The following CATSPER1 variants were observed in gnomAD, a reference collection of about 807,000 sequenced individuals.
CATSPER1 encodes cation channel sperm-associated protein 1.
A neutral mutation model predicts 72.7 loss-of-function variants in CATSPER1; 57 were observed. That is an observed-to-expected ratio of 0.78 (90% confidence interval 0.63 to 0.98). CATSPER1 has a LOEUF of 0.98. Among genes scored for constraint, CATSPER1 ranks in the 50% least tolerant of loss-of-function variants. CATSPER1 has a pLI of 0.00. For synonymous variants in CATSPER1, 363 were observed against 403.0 expected (o/e 0.90, Z 1.19); for missense variants, 910 against 1,033.9 (o/e 0.88, Z 1.64).
rs770925745 is a variant in CATSPER1 at position 66,025,885 on chromosome 11, G to A, written c.495C>T (p.Gly165=). Residue 165 remains glycine (G), a synonymous_variant, in exon 1 of 12, where the codon GGC becomes GGT. Coordinates refer to ENST00000312106, the MANE Select transcript of CATSPER1 (RefSeq NM_053054.4). ...GGGAAGCCTCACCGTGGTGGGGCAC[G>A]CCAGAGGAATAGTGGGATAAATTCT... ...LGENLSHYSS[G]VPHHGEASHH... is the part of the protein sequence containing the mutation. 9 of 1,613,562 alleles carry A rather than the reference G, an allele frequency of 5.6e-6. No individual in the cohort carries two copies. The highest frequency in any genetic ancestry group is 4.5e-5 in the East Asian group (2 of 44,836).
Position 66,022,988 on chromosome 11 carries a change from G to T in CATSPER1, c.1290C>A (p.Thr430=). Reference sequence around the variant, plus strand: ...TTTCCCGGAAGCCCTGAATGAGGAAGGTTAGCTTTTCCCACAGCCACTGGA... The same window carrying T: ...TTTCCCGGAAGCCCTGAATGAGGAATGTTAGCTTTTCCCACAGCCACTGGA... ...NLFQWLWEKL[T]FLIQGFREMI... Residue 430 remains threonine, a synonymous_variant, in exon 2 of 12, where the codon ACC becomes ACA. Transcript: ENST00000312106. 1.2e-6 allele frequency: 2 copies of T among 1,614,242 alleles called. No homozygotes were observed. Among genetic ancestry groups the T allele is most frequent in the Non-Finnish European group, 1.7e-6 (2 of 1,180,048 alleles).
rs1186447197 is a variant in CATSPER1 at position 66,020,496 on chromosome 11, G to A, written c.1991+68C>T. On this transcript the variant is annotated intron_variant, in intron 7 of 11. Transcript: ENST00000312106. The surrounding 1 kb of genome is among the most constrained non-coding windows in gnomAD (Gnocchi z 4.5). ...GCATGACCAGGGTGAGAGGGCTGGG[G>A]TAAGGGTCCCAGGGGAGAGGAGGAA... 19 of 1,598,630 alleles carry A rather than the reference G, an allele frequency of 1.2e-5. No individual in the cohort carries two copies. Among genetic ancestry groups the A allele is most frequent in the South Asian group, 6.6e-5 (6 of 90,766 alleles).
chr11:66,022,871 G>A lies in CATSPER1; in HGVS notation c.1407C>T (p.Phe469=). 6.2e-7 allele frequency: 1 copy of A among 1,614,226 alleles called. No individual in the cohort carries two copies. The highest frequency in any genetic ancestry group is 8.5e-7 in the Non-Finnish European group (1 of 1,180,046). ...LNTVMLVAQT[F]AEVEIRGEWY... ...TACCGCCCCGGATCTCGACTTCAGCGAAGGTCTGGGCCACCAGCATGACGG... is the reference window on the plus strand; with the variant it reads ...TACCGCCCCGGATCTCGACTTCAGCAAAGGTCTGGGCCACCAGCATGACGG... Residue 469 remains phenylalanine (F), a synonymous_variant, in exon 2 of 12, where the codon TTC becomes TTT. Transcript: ENST00000312106.
rs779374105 is a variant in CATSPER1, at chr11:66,026,411, C to G, written c.-32G>C. ...GCTGGGAACTCTGGAGCCAAAAGAG[C>G]TCAAGACCTGGGCCCAACAGGCCCC... On this transcript the variant is annotated 5_prime_UTR_variant, in exon 1 of 12. Coordinates refer to ENST00000312106, the MANE Select transcript of CATSPER1 (RefSeq NM_053054.4). 3.1e-6 allele frequency: 5 copies of G among 1,609,222 alleles called. No individual in the cohort carries two copies. In the Admixed American group the frequency reaches 8.3e-5, roughly 27 times the overall value.
In CATSPER1 at chr11:66,017,193, G is replaced by GGGGGGGGGGGGGGGGGGGGGGGGGCCC; in HGVS notation, c.2202-20_2202-19insGGGCCCCCCCCCCCCCCCCCCCCCCCC. The GGGGGGGGGGGGGGGGGGGGGGGGGCCC allele has an allele frequency of 2.0e-6, 1 of 493,810 alleles. No individual in the cohort carries two copies. The highest frequency in any genetic ancestry group is 4.0e-6 in the Non-Finnish European group (1 of 252,618). 30.6% of individuals were successfully genotyped at this position (493,810 alleles called of 1,614,324 possible). The stretch of plus-strand genomic sequence containing the variant: ...CTGCTGCCTGCGGGTGGGCGGGGGG[G>GGGGGGGGGGGGGGGGGGGGGGGGGCCC]TCGCAGAGACAGGGGCTGGGCTGAC... On this transcript the variant is annotated intron_variant, in intron 10 of 11. Coordinates refer to ENST00000312106, the MANE Select transcript of CATSPER1 (RefSeq NM_053054.4).
intron 1 of CATSPER1, among the ~76,000 whole-genome samples, chr11:66,023,559 T>C (rs1204826721): frequency 6.6e-6 from 1 of 151,894 alleles, no homozygotes; most frequent in Non-Finnish European, 1.5e-5. Flanking sequence ...ATGGGCATAA[T>C]TGTGGCCAGA....
intron 1 of CATSPER1, among the ~76,000 whole-genome samples, chr11:66,023,949 G>A (rs1856435328): frequency 6.6e-6 from 1 of 151,086 alleles, no homozygotes; most frequent in South Asian, 2.1e-4. Context: ...TGAGACTGTT[G>A]TCATATTTTG....
rs150987227 is a variant in CATSPER1 at position 66,025,865 on chromosome 11, G to C, written c.515C>G (p.Ala172Gly). The change falls in exon 1 of 12, where the codon GCT becomes GGT. Residue 172 changes from alanine to glycine, a missense_variant. Physicochemically the swap from Ala to Gly is moderately conservative, Grantham distance 60. Transcript: ENST00000312106. ...GAGGTAGGACCCACCATGGTGGGAA[G>C]CCTCACCGTGGTGGGGCACGCCAGA... ...YSSGVPHHGE[A>G]SHHGGSYLPH... 251 of 1,613,608 alleles carry C rather than the reference G, an allele frequency of 1.6e-4. No homozygotes were observed. The highest frequency in any genetic ancestry group is 2.0e-4 in the Non-Finnish European group (231 of 1,179,906).
chr11:66,020,330 T>G lies in CATSPER1; in HGVS notation c.2051A>C (p.Lys684Thr). ...CCCACTCGGTACCTCCTGCTTCGCT[T>G]TCTCAAGGCCTTTGAACAGCGCCGT... ...FQTALFKGLEKAKQERAARIQ... is the reference protein window; with the variant it reads ...FQTALFKGLETAKQERAARIQ... Residue 684 changes from lysine (K) to threonine (T), a missense_variant, in exon 8 of 12, where the codon AAA becomes ACA. Physicochemically the swap from Lys to Thr is moderately conservative, Grantham distance 78. Transcript: ENST00000312106. This position sits in a 1 kb window ranked among gnomAD's most constrained non-coding sequence, Gnocchi z 4.5. 1.2e-6 allele frequency: 2 copies of G among 1,614,184 alleles called. No homozygotes were observed. The highest frequency in any genetic ancestry group is 1.7e-6 in the Non-Finnish European group (2 of 1,180,038).
chr11:66,025,293 T>C lies in CATSPER1; in HGVS notation c.1087A>G (p.Met363Val). The C allele has an allele frequency of 6.2e-7, 1 of 1,614,172 alleles. No individual in the cohort carries two copies. Among genetic ancestry groups the C allele is most frequent in the South Asian group, 1.1e-5 (1 of 91,088 alleles). The change falls in exon 1 of 12, where the codon ATG becomes GTG. Residue 363 changes from methionine to valine, a missense_variant. Transcript: ENST00000312106. ...VAHPRGSAHS[M>V]TRSSSTIRSR... The stretch of plus-strand genomic sequence containing the variant: ...CGGATTGTGCTGGAGGACCGAGTCA[T>C]GCTGTGAGCCGAGCCCCGTGGGTGT...
chr11:66,024,093 A>G (rs1475720560), intron 1 of CATSPER1, among the ~76,000 whole-genome samples: 2 of 151,346 alleles, frequency 1.3e-5, no homozygotes, highest in Non-Finnish European at 2.9e-5. Context: ...CCTCCTGTGT[A>G]GCCAGGATTA....
Position 66,025,378 on chromosome 11 carries a change from C to A in CATSPER1, c.1002G>T (p.Leu334=). Residue 334 remains leucine (L), a synonymous_variant, in exon 1 of 12, where the codon CTG becomes CTT. Coordinates refer to ENST00000312106, the MANE Select transcript of CATSPER1 (RefSeq NM_053054.4). ...CAGCAGGGCCGGGGGCATCGTGAAT[C>A]AGGCTCCGGGATGTGTGTGGGATAG... ...QLSIPHTSRS[L]IHDAPGPAAS... 2 of 1,614,098 alleles carry A rather than the reference C, an allele frequency of 1.2e-6. No homozygotes were observed. The highest frequency in any genetic ancestry group is 1.7e-6 in the Non-Finnish European group (2 of 1,180,022).
Position 66,025,727 on chromosome 11 carries a change from G to A in CATSPER1, c.653C>T (p.Pro218Leu). 1 of 1,613,928 alleles carries A rather than the reference G, an allele frequency of 6.2e-7. No homozygotes were observed. The highest frequency in any genetic ancestry group is 8.5e-7 in the Non-Finnish European group (1 of 1,179,954). The change falls in exon 1 of 12, where the codon CCC becomes CTC. Residue 218 changes from proline (P) to leucine (L), a missense_variant. Coordinates refer to ENST00000312106, the MANE Select transcript of CATSPER1 (RefSeq NM_053054.4). ...QHHQVPHRGW[P>L]HHHQVHHHGR... ...ATGGTGGTGGACTTGGTGATGGTGGGGCCAGCCACGGTGGGGGACTTGGTG... is the reference window on the plus strand; with the variant it reads ...ATGGTGGTGGACTTGGTGATGGTGGAGCCAGCCACGGTGGGGGACTTGGTG...
intron 10 of CATSPER1, among the ~76,000 whole-genome samples, chr11:66,018,236 A>G (rs1289969116): frequency 1.3e-5 from 2 of 151,824 alleles, no homozygotes; most frequent in African/African-American, 4.8e-5. Flanking sequence ...AAAAAGAAAA[A>G]AAGAGAAAGA....
In CATSPER1 at chr11:66,017,054, G is replaced by T; in HGVS notation, c.2316+6C>A. The T allele has an allele frequency of 6.2e-7, 1 of 1,613,812 alleles. No individual in the cohort carries two copies. The highest frequency in any genetic ancestry group is 8.5e-7 in the Non-Finnish European group (1 of 1,179,770). On this transcript the variant is annotated splice_donor_region_variant and intron_variant, in intron 11 of 11. Transcript: ENST00000312106. Reference sequence around the variant, plus strand: ...GCCGGCCCCTTCCCGCTCCTGCCTGGTTCACCTCAAATGTGGTGTCCACAA... The same window carrying T: ...GCCGGCCCCTTCCCGCTCCTGCCTGTTTCACCTCAAATGTGGTGTCCACAA...
chr11:66,024,060 T>C (rs531849900), intron 1 of CATSPER1, among the ~76,000 whole-genome samples: 1 of 151,828 alleles, frequency 6.6e-6, no homozygotes, highest in South Asian at 2.1e-4. Flanking sequence ...GCCTCCCAGC[T>C]TCAAGAGATT....
chr11:66,020,828 A>C lies in CATSPER1; in HGVS notation c.1910T>G (p.Met637Arg). The C allele has an allele frequency of 2.5e-6, 4 of 1,613,790 alleles. No individual in the cohort carries two copies. Among genetic ancestry groups the C allele is most frequent in the Non-Finnish European group, 3.4e-6 (4 of 1,180,008 alleles). The change falls in exon 6 of 12, where the codon ATG becomes AGG. Residue 637 changes from methionine to arginine, a missense_variant. By Grantham distance (91) the Met-to-Arg change is moderately conservative. Transcript: ENST00000312106. This position sits in a 1 kb window ranked among gnomAD's most constrained non-coding sequence, Gnocchi z 4.5. Reference sequence around the variant, plus strand: ...TGCCCTACCCTGGGCACGGCTGTCCATGTAGATGAGGGACCAGTCATCCAG... The same window carrying C: ...TGCCCTACCCTGGGCACGGCTGTCCCTGTAGATGAGGGACCAGTCATCCAG... ...LTLDDWSLIY[M>R]DSRAQGAWYI... is the part of the protein sequence containing the mutation.
chr11:66,023,117 A>T, intron 1 of CATSPER1, 56 bp from the exon 2 acceptor site: 1 of 1,508,978 alleles, frequency 6.6e-7, no homozygotes, highest in Non-Finnish European at 9.2e-7. Context: ...ACGAGGTCCC[A>T]GGCACCCCCC....
chr11:66,021,142 A>G lies in CATSPER1; in HGVS notation c.1735T>C (p.Ser579Pro). Residue 579 changes from serine to proline, a missense_variant, in exon 5 of 12, where the codon TCC becomes CCC. By Grantham distance (74) the Ser-to-Pro change is moderately conservative. Transcript: ENST00000312106. ...AGGATGGCTGCGATGGACGGCAAGG[A>G]CTGGCCCAGGGTCCCTGTCACTTCC... ...VQEVTGTLGQSLPSIAAILIL... is the reference protein window; with the variant it reads ...VQEVTGTLGQPLPSIAAILIL... 6.2e-7 allele frequency: 1 copy of G among 1,613,466 alleles called. No homozygotes were observed. Among genetic ancestry groups the G allele is most frequent in the Non-Finnish European group, 8.5e-7 (1 of 1,179,832 alleles).
Sources: gnomAD v4.1 joint callset for allele counts (sites outside exome capture counted in the v4.1 genomes callset) on GRCh38, gnomAD v4.1.1 for gene constraint, Gnocchi (gnomAD v3.1) non-coding constraint, MANE v1.5 for transcripts, NCBI Gene and HGNC (gene_info 2026-07-23, HGNC 2026-07-21) for gene names.